Variants in OTUD7B observed in about 807,000 individuals in gnomAD.
OTUD7B encodes the protein OTU deubiquitinase 7B.
In OTUD7B, 34 loss-of-function variants were observed where a neutral mutation model predicts 82.2. That is an observed-to-expected ratio of 0.41 (90% CI 0.31 to 0.55). The LOEUF is 0.55. OTUD7B is among the 20% of genes least tolerant of loss of function. The pLI is 0.20. For missense variants in OTUD7B, 944 were observed against 1,062.1 expected (o/e 0.89, Z 1.55); for synonymous variants, 398 against 402.7 (o/e 0.99, Z 0.14).
At chr1:149,989,263 A>G (rs1223042098) in intron 1 of OTUD7B, among the ~76,000 whole-genome samples, 1 of 152,026 alleles carries the variant, frequency 6.6e-6, no homozygotes. Context: ...ACTTGAGGTC[A>G]GGAGTTCAAG....
the OTUD7B span, among the ~76,000 whole-genome samples, chr1:150,028,335 C>A: frequency 6.6e-6 from 1 of 152,100 alleles, no homozygotes. Flanking sequence ...TCAAGAGAAC[C>A]TGGGCAAAGC....
Position 149,964,289 on chromosome 1 carries a change from T to G in OTUD7B, c.665A>C (p.Glu222Ala), listed in dbSNP as rs782260856. The change falls in exon 6 of 12, where the codon GAG (glutamate) becomes GCG (alanine). Residue 222 changes from glutamate to alanine, a missense_variant. Physicochemically the swap from Glu to Ala is moderately radical, Grantham distance 107. This residue lies in a region of OTUD7B where 530 missense variants were observed against 625.6 expected (regional missense o/e 0.85). Transcript: ENST00000581312. ...CAACGCTTCCTTCTCAACTCCCTTC[T>G]CCATCAGTGCATACAAAGCTTTCCG... ...MLRKALYALM[E>A]KGVEKEALKR... 59 of 1,613,982 alleles carry G rather than the reference T, an allele frequency of 3.7e-5. 1 individual carries two copies. The South Asian group carries it at 6.4e-4, about 17-fold the overall frequency.
intron 1 of OTUD7B, among the ~76,000 whole-genome samples, chr1:150,005,610 G>C (rs1553785902): frequency 1.3e-5 from 2 of 151,810 alleles, no homozygotes; most frequent in African/African-American, 4.8e-5. Flanking sequence ...AGGGATGAAA[G>C]AATGGCATGT....
At chr1:150,001,340 G>C (rs1553784748) in intron 1 of OTUD7B, among the ~76,000 whole-genome samples, 1 of 152,182 alleles carries the variant, frequency 6.6e-6, no homozygotes, top group Non-Finnish European at 1.5e-5. Flanking sequence ...CACAAAAACA[G>C]TCAGGAGCAG....
intron 1 of OTUD7B, among the ~76,000 whole-genome samples, chr1:150,007,481 T>C (rs112157955): frequency 6.6e-6 from 1 of 152,214 alleles, no homozygotes; most frequent in African/African-American, 2.4e-5. Flanking sequence ...TTTGCTTTTG[T>C]CTATATGTTG....
chr1:149,983,464 G>C (rs2101879328), intron 1 of OTUD7B, among the ~76,000 whole-genome samples: 1 of 152,218 alleles, frequency 6.6e-6, no homozygotes, highest in South Asian at 2.1e-4. Flanking sequence ...TTAGAGAAGG[G>C]AGTGTTATCT....
Position 149,945,037 on chromosome 1 carries a change from G to T in OTUD7B, c.1352C>A (p.Thr451Asn), listed in dbSNP as rs782602969. Reference protein sequence around the residue: ...QAPLAQPESPTASAGDEPRST... With the variant: ...QAPLAQPESPNASAGDEPRST... ...CCGGGGCTCATCTCCAGCTGAGGCG[G>T]TGGGGGACTCAGGCTGGGCCAGAGG... The change falls in exon 12 of 12, where the codon ACC (threonine) becomes AAC (asparagine). Residue 451 changes from threonine to asparagine, a missense_variant. By Grantham distance (65) the Thr-to-Asn change is moderately conservative (BLOSUM62 0). Coordinates refer to ENST00000581312, the MANE Select transcript of OTUD7B (RefSeq NM_020205.4). 1.9e-6 allele frequency: 3 copies of T among 1,613,944 alleles called. No individual in the cohort carries two copies. In the South Asian group the frequency reaches 3.3e-5, roughly 18 times the overall value.
the OTUD7B span, chr1:150,050,660 A>G: frequency 2.6e-5 from 4 of 152,226 alleles, no homozygotes; most frequent in African/African-American, 9.6e-5. Flanking sequence ...GGCTAAATCC[A>G]ACACTAAACA....
At chr1:150,019,815 G>GT in the OTUD7B span, among the ~76,000 whole-genome samples, 8,639 of 151,922 alleles carry the variant, frequency 0.057, 316 homozygotes, top group Non-Finnish European at 0.088. Context: ...GGATCATTGT[G>GT]TAACTGAGAA....
Position 149,937,868 on chromosome 1 carries a change from TAGATGGGGGCCCC to T in OTUD7B, c.*5976_*5988del, listed in dbSNP as rs1382827246. The T allele has an allele frequency of 6.6e-6, 1 of 152,150 alleles. No homozygotes were observed. Among genetic ancestry groups the T allele is most frequent in the Non-Finnish European group, 1.5e-5 (1 of 68,034 alleles). 9.4% of individuals were successfully genotyped at this position (152,150 alleles called of 1,614,324 possible). A position where few individuals can be genotyped will look rare whatever the true frequency, so the allele number is the denominator to read the frequency against. On this transcript the variant is annotated 3_prime_UTR_variant, in exon 12 of 12. Transcript: ENST00000581312. The stretch of plus-strand genomic sequence containing the variant: ...TTGAATCTACAGAGGCAGCAATCCT[TAGATGGGGGCCCC>T]AGTTTTCCAAAGTGACACTCAATTT...
intron 1 of OTUD7B, among the ~76,000 whole-genome samples, chr1:149,995,469 C>T (rs184226704): frequency 5.0e-4 from 76 of 152,200 alleles, no homozygotes; most frequent in Admixed American, 4.7e-3. Context: ...ATCCCAACTA[C>T]TAGGAAGGCT....
chr1:150,048,909 G>A, the OTUD7B span, among the ~76,000 whole-genome samples: 7 of 151,960 alleles, frequency 4.6e-5, no homozygotes, highest in Admixed American at 6.6e-5. Flanking sequence ...CTCAGCTCAC[G>A]GCAACCTCTG....
At chr1:149,977,326 A>T (rs1174545268) in intron 2 of OTUD7B, 100 bp downstream of exon 2, 24 of 855,578 alleles carry the variant, frequency 2.8e-5, no homozygotes, top group Non-Finnish European at 4.2e-5. Flanking sequence ...CCTAACCTAC[A>T]CAAAGTATCT....
At chr1:150,018,803 T>C in the OTUD7B span, among the ~76,000 whole-genome samples, 1 of 152,076 alleles carries the variant, frequency 6.6e-6, no homozygotes, top group Non-Finnish European at 1.5e-5. Flanking sequence ...GGCTGAGTCT[T>C]ACTGCCCCAA....
chr1:150,060,924 T>C, the OTUD7B span, among the ~76,000 whole-genome samples: 1 of 152,148 alleles, frequency 6.6e-6, no homozygotes, highest in Non-Finnish European at 1.5e-5. Context: ...TCTTTTCTTT[T>C]CTTTTCTTTT....
rs1647438090 is a variant in OTUD7B at position 149,943,804 on chromosome 1, A to G, written c.*53T>C. The G allele has an allele frequency of 6.5e-7, 1 of 1,545,918 alleles. No individual in the cohort carries two copies. ...TGGGGACTGTGTTCTTGATGAGCCAATTAGTTGAGCTTAACTTTGTTTAGC... is the reference window on the plus strand; with the variant it reads ...TGGGGACTGTGTTCTTGATGAGCCAGTTAGTTGAGCTTAACTTTGTTTAGC... On this transcript the variant is annotated 3_prime_UTR_variant, in exon 12 of 12. Coordinates refer to ENST00000581312, the MANE Select transcript of OTUD7B (RefSeq NM_020205.4).
At chr1:149,985,133 C>A (rs1007142002) in intron 1 of OTUD7B, among the ~76,000 whole-genome samples, 2 of 152,182 alleles carry the variant, frequency 1.3e-5, no homozygotes, top group Non-Finnish European at 2.9e-5. Flanking sequence ...AGAGGCCAGG[C>A]ACAGTGGCTC....
chr1:150,024,924 T>C, the OTUD7B span, among the ~76,000 whole-genome samples: 3 of 152,056 alleles, frequency 2.0e-5, no homozygotes, highest in Admixed American at 2.0e-4. Flanking sequence ...GGCACACATC[T>C]GTAGTCCCAG....
the OTUD7B span, among the ~76,000 whole-genome samples, chr1:150,020,222 C>A: frequency 6.6e-6 from 1 of 151,172 alleles, no homozygotes; most frequent in African/African-American, 2.4e-5. Flanking sequence ...CTTCACACTG[C>A]CTCCTAATAG....
Sources: allele counts gnomAD v4.1 joint callset (sites outside exome capture counted in the v4.1 genomes callset), GRCh38; gene constraint gnomAD v4.1.1; regional missense constraint gnomAD v4.1.1; transcripts MANE v1.5; gene names NCBI Gene and HGNC (gene_info 2026-07-23, HGNC 2026-07-21).